Variants in RUBCN observed in about 807,000 individuals in gnomAD.
RUBCN encodes the protein rubicon autophagy regulator, also known as run domain Beclin-1-interacting and cysteine-rich domain-containing protein.
RUBCN carries 74 observed loss-of-function variants against 113.2 expected under a neutral mutation model. The ratio of observed to expected loss-of-function variants is 0.65; its 90% confidence interval spans 0.54 to 0.79. The LOEUF (loss-of-function observed/expected upper bound fraction) is 0.79. Ranked by LOEUF, RUBCN falls within the 30% of genes least tolerant of loss-of-function variation. The pLI is 0.00. For missense variants in RUBCN, 1,109 were observed against 1,251.7 expected (o/e 0.89, Z 1.72); for synonymous variants, 480 against 490.0 (o/e 0.98, Z 0.27).
In RUBCN at chr3:197,670,512, T is replaced by C. The variant is rs1719688687; in HGVS notation, c.*4506A>G. Reference sequence around the variant, plus strand: ...ATGTTGAGAACAGAAGTTTGGGAACTTACTGGAAATCAAGCTTTGGCTTCC... The same window carrying C: ...ATGTTGAGAACAGAAGTTTGGGAACCTACTGGAAATCAAGCTTTGGCTTCC... On this transcript the variant is annotated 3_prime_UTR_variant, in exon 20 of 20. Transcript: ENST00000296343. Among the ~76,000 whole-genome samples the C allele has an allele frequency of 6.6e-6, 1 of 152,234 alleles. No homozygotes were observed. Among genetic ancestry groups the C allele is most frequent in the Non-Finnish European group, 1.5e-5 (1 of 68,042 alleles).
chr3:197,673,343 C>T lies in RUBCN; in HGVS notation c.*1675G>A, dbSNP rs1719974095. On this transcript the variant is annotated 3_prime_UTR_variant, in exon 20 of 20. Coordinates refer to ENST00000296343, the MANE Select transcript of RUBCN (RefSeq NM_014687.4). ...TCACCTTAATGCCTCTCCCACTTCC[C>T]TGGGAGACTCCTTCTTACCGCCAGC... 6.6e-6 allele frequency: 1 copy of T among 152,468 alleles called. No individual in the cohort carries two copies. Among genetic ancestry groups the T allele is most frequent in the South Asian group, 2.1e-4 (1 of 4,824 alleles). The allele number at this position is 152,468 out of a possible 1,614,324, so 9.4% of individuals were successfully genotyped here.
chr3:197,733,229 C>G (rs890065860), intron 1 of RUBCN, among the ~76,000 whole-genome samples: 2 of 152,296 alleles, frequency 1.3e-5, no homozygotes, highest in Non-Finnish European at 2.9e-5. Flanking sequence ...TCCCAGTGCT[C>G]TGGGAGGCCA....
At position 197,703,561 on chromosome 3, in the gene RUBCN, ATC is replaced by A; in HGVS notation, c.555_556del (p.Gln185HisfsTer47). ...TGTCCCCTGTACCATGGACGCATCG[ATC>A]TGAGCCAGGAGGCGGGGGTTGTTCT... On this transcript the variant is annotated frameshift_variant, in exon 5 of 20. Transcript: ENST00000296343. LOFTEE classifies it high-confidence loss of function. 6.2e-7 allele frequency: 1 copy of A among 1,612,174 alleles called. No individual in the cohort carries two copies. Among genetic ancestry groups the A allele is most frequent in the Non-Finnish European group, 8.5e-7 (1 of 1,178,286 alleles).
Position 197,694,524 on chromosome 3 carries a change from T to C in RUBCN, c.1535A>G (p.Asn512Ser), listed in dbSNP as rs747978912. The C allele has an allele frequency of 5.6e-6, 9 of 1,614,226 alleles. No homozygotes were observed. The highest frequency in any genetic ancestry group is 1.1e-5 in the South Asian group (1 of 91,082). The change falls in exon 10 of 20, where the codon AAC becomes AGC. Residue 512 changes from asparagine (N) to serine (S), a missense_variant. Coordinates refer to ENST00000296343, the MANE Select transcript of RUBCN (RefSeq NM_014687.4). ...LIAAIELMKC[N>S]MMSQCLEEEE... is the part of the protein sequence containing the mutation. ...CTCCTCTAGGCACTGGCTCATCATG[T>C]TGCACTTCATTAGCTCGATGGCAGC...
rs533767183 is a variant in RUBCN at position 197,729,816 on chromosome 3, C to T, written c.65+6839G>A. Among the ~76,000 whole-genome samples, 3 of 152,330 alleles carry T rather than the reference C, an allele frequency of 2.0e-5. No homozygotes were observed. The South Asian group carries it at 6.2e-4, about 32-fold the overall frequency. On this transcript the variant is annotated intron_variant, in intron 1 of 19. Transcript: ENST00000296343. The stretch of plus-strand genomic sequence containing the variant: ...TCAGGTGACCCACCCACCTCAGCCT[C>T]CCAAAGTGCTGGGATGACAGGCATG...
In RUBCN at chr3:197,700,810, G is replaced by C; in HGVS notation, c.1064C>G (p.Ser355Cys). 1 of 1,614,096 alleles carries C rather than the reference G, an allele frequency of 6.2e-7. No individual in the cohort carries two copies. The part of the protein sequence containing the change: ...NAESSSSNLF[S>C]SSSSQKPDSA... Reference sequence around the variant, plus strand: ...ATCTGGCTTCTGGGAGCTGCTGGAGGAGAACAAATTGGAACTGCTGCTCTC... The same window carrying C: ...ATCTGGCTTCTGGGAGCTGCTGGAGCAGAACAAATTGGAACTGCTGCTCTC... Residue 355 changes from serine to cysteine, a missense_variant, in exon 7 of 20, where the codon TCC (serine) becomes TGC (cysteine). Physicochemically the swap from Ser to Cys is moderately radical, Grantham distance 112. Around this residue, in one of 3 missense-constraint regions of RUBCN, gnomAD observed 736 missense variants for 779.6 expected, o/e 0.94. Transcript: ENST00000296343.
rs1444002540 is a variant in RUBCN, at chr3:197,669,510, T to C, written c.*5508A>G. On this transcript the variant is annotated 3_prime_UTR_variant, in exon 20 of 20. Coordinates refer to ENST00000296343, the MANE Select transcript of RUBCN (RefSeq NM_014687.4). ...CTGAGGTTATGGGTTTCTGAATGAA[T>C]GTCAGGGAAGATGTACCCCTTTCAT... Among the ~76,000 whole-genome samples, 1 of 152,252 alleles carries C rather than the reference T, an allele frequency of 6.6e-6. No homozygotes were observed. Among genetic ancestry groups the C allele is most frequent in the Non-Finnish European group, 1.5e-5 (1 of 68,048 alleles).
Position 197,703,692 on chromosome 3 carries a change from C to G in RUBCN, c.464-38G>C, listed in dbSNP as rs750384318. On this transcript the variant is annotated intron_variant, in intron 4 of 19. Coordinates refer to ENST00000296343, the MANE Select transcript of RUBCN (RefSeq NM_014687.4). ...AAGCTGCCACAGTGATAGAGCCCAT[C>G]AGGGAGGCCTTGAGAGAAGCTTGAG... is the stretch of plus-strand genomic sequence containing the variant. 9.6e-6 allele frequency: 13 copies of G among 1,353,434 alleles called. No individual in the cohort carries two copies. In the South Asian group the frequency reaches 1.5e-4, roughly 16 times the overall value. 83.8% of individuals were successfully genotyped at this position (1,353,434 alleles called of 1,614,324 possible). A position where few individuals can be genotyped will look rare whatever the true frequency, so the allele number is the denominator to read the frequency against.
chr3:197,694,254 T>G (rs753338460), intron 10 of RUBCN, 121 bp downstream of exon 10: 27 of 893,348 alleles, frequency 3.0e-5, no homozygotes, highest in Non-Finnish European at 2.1e-5. Flanking sequence ...CCTAGCATGA[T>G]AGAAAAAAAG....
At chr3:197,726,157 CTG>C (rs2108983659) in intron 1 of RUBCN, among the ~76,000 whole-genome samples, 1 of 152,360 alleles carries the variant, frequency 6.6e-6, no homozygotes, top group Non-Finnish European at 1.5e-5. Flanking sequence ...TACTTTAAGA[CTG>C]TTGTTTAATA....
At chr3:197,715,637 G>A (rs189848028) in intron 2 of RUBCN, among the ~76,000 whole-genome samples, 2 of 152,286 alleles carry the variant, frequency 1.3e-5, no homozygotes, top group Admixed American at 1.3e-4. Flanking sequence ...AAGGCACAAA[G>A]AGGTTAAGTA....
Position 197,681,699 on chromosome 3 carries a change from T to C in RUBCN, c.2191+136A>G. 2 of 779,928 alleles carry C rather than the reference T, an allele frequency of 2.6e-6. No individual in the cohort carries two copies. Among genetic ancestry groups the C allele is most frequent in the Non-Finnish European group, 4.5e-6 (2 of 442,394 alleles). The allele number at this position is 779,928 out of a possible 1,614,324, so 48.3% of individuals were successfully genotyped here. ...TCCGATTGCCAGCACTCTTGCCTAC[T>C]ACGAACCTTTCTTTCTCCTTCCCTA... On this transcript the variant is annotated intron_variant, in intron 15 of 19. Transcript: ENST00000296343. This position sits in a 1 kb window ranked among gnomAD's most constrained non-coding sequence, Gnocchi z 5.5.
chr3:197,734,130 A>C (rs1172497361), intron 1 of RUBCN, among the ~76,000 whole-genome samples: 1 of 151,598 alleles, frequency 6.6e-6, no homozygotes, highest in East Asian at 1.9e-4. Flanking sequence ...GGTGGCGGGC[A>C]CCTGTAATCC....
chr3:197,712,546 G>T (rs999606041), intron 2 of RUBCN, among the ~76,000 whole-genome samples: 8 of 152,116 alleles, frequency 5.3e-5, no homozygotes, highest in African/African-American at 1.9e-4. Flanking sequence ...AGTTCTTGAC[G>T]CAGACTTTAA....
At chr3:197,677,681 C>A in intron 16 of RUBCN, 140 bp from the exon 17 acceptor site, 1 of 714,896 alleles carries the variant, frequency 1.4e-6, no homozygotes. Flanking sequence ...TACGCTCTGA[C>A]AACTGGCTCC....
Position 197,732,815 on chromosome 3 carries a change from G to C in RUBCN, c.65+3840C>G, listed in dbSNP as rs1234243340. ...TCTAGGTCCCAATGTGTTCAACTCGGATGAAGGAGCCACTGAAAGAGGAAG... is the reference window on the plus strand; with the variant it reads ...TCTAGGTCCCAATGTGTTCAACTCGCATGAAGGAGCCACTGAAAGAGGAAG... On this transcript the variant is annotated intron_variant, in intron 1 of 19. Transcript: ENST00000296343. Among the ~76,000 whole-genome samples, 26 of 152,166 alleles carry C rather than the reference G, an allele frequency of 1.7e-4. 1 individual carries two copies. Among genetic ancestry groups the C allele is most frequent in the Admixed American group, 1.7e-3 (26 of 15,268 alleles).
chr3:197,735,885 C>G (rs922138297), intron 1 of RUBCN, among the ~76,000 whole-genome samples: 2 of 152,126 alleles, frequency 1.3e-5, no homozygotes, highest in Non-Finnish European at 2.9e-5. Context: ...GCACCGCACC[C>G]GGTCCAAAGT....
rs73891688 is a variant in RUBCN, at chr3:197,676,625, G to C, written c.2646+260C>G. The C allele has an allele frequency of 6.5e-3, 8,841 of 1,354,540 alleles. 454 individuals are homozygous for C. In the African/African-American group the frequency reaches 0.11, roughly 17 times the overall value. 83.9% of individuals were successfully genotyped at this position (1,354,540 alleles called of 1,614,324 possible). On this transcript the variant is annotated intron_variant, in intron 18 of 19. Coordinates refer to ENST00000296343, the MANE Select transcript of RUBCN (RefSeq NM_014687.4). ...ACCGTGCCTGGCCAACACTTCTTGA[G>C]TGAAAGTCTACTCGGTCTTGCCCGG...
chr3:197,747,362 G>C (rs1284225096), intron 1 of RUBCN, among the ~76,000 whole-genome samples: 1 of 151,708 alleles, frequency 6.6e-6, no homozygotes, highest in Non-Finnish European at 1.5e-5. Flanking sequence ...GCTTTGGTTT[G>C]GGGGAGAAGA....
Sources: gnomAD v4.1 joint callset for allele counts (sites outside exome capture counted in the v4.1 genomes callset) on GRCh38, gnomAD v4.1.1 for gene constraint, gnomAD v4.1.1 regional missense constraint, Gnocchi (gnomAD v3.1) non-coding constraint, MANE v1.5 for transcripts, NCBI Gene and HGNC (gene_info 2026-07-23, HGNC 2026-07-21) for gene names.